Variants in WIPF3 observed in about 807,000 individuals in gnomAD.
WIPF3 encodes the protein WAS/WASL interacting protein family member 3, also known as WAS/WASL-interacting protein family member 3.
In WIPF3, 33 loss-of-function variants were observed where a neutral mutation model predicts 38.9. The ratio of observed to expected loss-of-function variants is 0.85; its 90% confidence interval spans 0.64 to 1.14. The LOEUF (loss-of-function observed/expected upper bound fraction) is 1.14. Among genes scored for constraint, WIPF3 ranks in the 50% most tolerant of loss-of-function variants. The pLI is 0.00. For synonymous variants in WIPF3, 324 were observed against 269.3 expected (o/e 1.20, Z -1.99); for missense variants, 711 against 652.5 (o/e 1.09, Z -0.98).
At chr7:29,913,832 G>A in intron 8 of WIPF3, among the ~76,000 whole-genome samples, 1 of 152,184 alleles carries the variant, frequency 6.6e-6, no homozygotes, top group East Asian at 1.9e-4. Flanking sequence ...CTACCAACGT[G>A]TCACACACTG....
Position 29,884,382 on chromosome 7 carries a change from C to CG in WIPF3, c.888_889insG (p.Pro297AlafsTer21). 1.5e-6 allele frequency: 2 copies of CG among 1,334,378 alleles called. No individual in the cohort carries two copies. Among genetic ancestry groups the CG allele is most frequent in the Non-Finnish European group, 2.0e-6 (2 of 991,666 alleles). The allele number at this position is 1,334,378 out of a possible 1,614,324, so 82.7% of individuals were successfully genotyped here. On this transcript the variant is annotated frameshift_variant, in exon 5 of 9. Transcript: ENST00000242140. LOFTEE classifies it high-confidence loss of function. ...AGCCTCCCGCCCCGCCGCCCCCGCT[C>CG]CCCCCTTATGCTTCTTGCTCCCCGA...
At chr7:29,851,249 T>TC (rs1304262919) in intron 2 of WIPF3, among the ~76,000 whole-genome samples, 2 of 152,080 alleles carry the variant, frequency 1.3e-5, no homozygotes, top group African/African-American at 4.8e-5. Context: ...AACCCCCCTT[T>TC]CCCCAGGGCT....
Position 29,892,296 on chromosome 7 carries a change from C to G in WIPF3, c.1351+2889C>G, listed in dbSNP as rs552417139. ...AAGGAGAGCAGAGCCAAGGGACCCC[C>G]TTCATCAACAGGCAGCTGGATCTCA... On this transcript the variant is annotated intron_variant, in intron 7 of 8. Transcript: ENST00000242140. 3.3e-5 allele frequency among the ~76,000 whole-genome samples: 5 copies of G among 152,276 alleles called. No individual in the cohort carries two copies. The South Asian group carries it at 1.0e-3, about 32-fold the overall frequency.
chr7:29,872,825 G>A (rs1340641870), intron 2 of WIPF3, among the ~76,000 whole-genome samples: 329 of 66,676 alleles, frequency 4.9e-3, no homozygotes, highest in Middle Eastern at 0.01. Flanking sequence ...AAAAAAAAAA[G>A]ATCCGGTGAG....
chr7:29,882,509 G>C (rs567462686), intron 4 of WIPF3, among the ~76,000 whole-genome samples: 1 of 152,158 alleles, frequency 6.6e-6, no homozygotes, highest in African/African-American at 2.4e-5. Context: ...ATAGCCAGAG[G>C]GGCTCATATT....
intron 1 of WIPF3, 77 bp from the exon 2 acceptor site, chr7:29,834,591 C>G: frequency 8.2e-7 from 1 of 1,226,614 alleles, no homozygotes; most frequent in Non-Finnish European, 1.1e-6. Flanking sequence ...CTATAATATG[C>G]ATGTCTGCAA....
intron 1 of WIPF3, among the ~76,000 whole-genome samples, chr7:29,824,783 A>G (rs1455921937): frequency 1.3e-5 from 2 of 151,988 alleles, no homozygotes; most frequent in African/African-American, 4.8e-5. Context: ...CTGCCTCAGG[A>G]AGGAATCTGC....
intron 7 of WIPF3, among the ~76,000 whole-genome samples, chr7:29,897,615 T>C (rs571122119): frequency 6.6e-6 from 1 of 152,366 alleles, no homozygotes; most frequent in East Asian, 1.9e-4. Context: ...CGCACCGTTA[T>C]TTCCATTAGC....
At chr7:29,831,752 T>G (rs576432397) in intron 1 of WIPF3, among the ~76,000 whole-genome samples, 1 of 152,304 alleles carries the variant, frequency 6.6e-6, no homozygotes, top group South Asian at 2.1e-4. Context: ...TGCCAACACA[T>G]AGGACCTTTG....
chr7:29,845,407 T>C (rs1001776340), intron 2 of WIPF3, among the ~76,000 whole-genome samples: 5 of 152,224 alleles, frequency 3.3e-5, no homozygotes, highest in African/African-American at 1.2e-4. Flanking sequence ...ACAAAATTAC[T>C]AAGTCTCTGC....
chr7:29,902,564 A>G (rs192305538), intron 7 of WIPF3, among the ~76,000 whole-genome samples: 1 of 152,128 alleles, frequency 6.6e-6, no homozygotes, highest in Non-Finnish European at 1.5e-5. Flanking sequence ...TTGGCCAGGC[A>G]TGGTGGCTCA....
At chr7:29,864,578 T>G (rs568063067) in intron 2 of WIPF3, among the ~76,000 whole-genome samples, 1 of 152,314 alleles carries the variant, frequency 6.6e-6, no homozygotes, top group Admixed American at 6.5e-5. Context: ...TGGAAACAAA[T>G]AGGATTGTAT....
intron 1 of WIPF3, among the ~76,000 whole-genome samples, chr7:29,810,279 C>T (rs1303160791): frequency 6.6e-6 from 1 of 152,172 alleles, no homozygotes; most frequent in Non-Finnish European, 1.5e-5. Context: ...TTTTATCAAC[C>T]CACTCATAAC....
chr7:29,874,129 C>T (rs902296044), intron 2 of WIPF3, among the ~76,000 whole-genome samples: 5 of 151,928 alleles, frequency 3.3e-5, no homozygotes, highest in Admixed American at 1.3e-4. Flanking sequence ...TGCACAGTGG[C>T]TTAACTCGCT....
In WIPF3 at chr7:29,915,943, T is replaced by C. The variant is rs1274514269; in HGVS notation, c.*1427T>C. 1 of 152,236 alleles carries C rather than the reference T, an allele frequency of 6.6e-6. No homozygotes were observed. The highest frequency in any genetic ancestry group is 1.9e-4 in the East Asian group (1 of 5,190). 9.4% of individuals were successfully genotyped at this position (152,236 alleles called of 1,614,324 possible). ...ACACATTCACCCCTGAAGTATATCATGAACAGACCAAGCCATCCAGAAAGG... is the reference window on the plus strand; with the variant it reads ...ACACATTCACCCCTGAAGTATATCACGAACAGACCAAGCCATCCAGAAAGG... On this transcript the variant is annotated 3_prime_UTR_variant, in exon 9 of 9. Transcript: ENST00000242140.
chr7:29,807,713 T>C (rs1351973078), intron 1 of WIPF3, among the ~76,000 whole-genome samples: 1 of 152,204 alleles, frequency 6.6e-6, no homozygotes, highest in South Asian at 2.1e-4. Context: ...CAGGGCGCTT[T>C]GTAACTGGCT....
chr7:29,868,977 C>A, intron 2 of WIPF3, among the ~76,000 whole-genome samples: 1 of 152,024 alleles, frequency 6.6e-6, no homozygotes, highest in East Asian at 1.9e-4. Context: ...TGTACATACA[C>A]CCCCCAAGCA....
intron 2 of WIPF3, among the ~76,000 whole-genome samples, chr7:29,857,194 C>T (rs1785199600): frequency 6.6e-6 from 1 of 152,116 alleles, no homozygotes; most frequent in African/African-American, 2.4e-5. Context: ...CCTCACCTTA[C>T]ACCCTAACCA....
intron 2 of WIPF3, among the ~76,000 whole-genome samples, chr7:29,875,531 G>A (rs536210291): frequency 3.3e-5 from 5 of 152,100 alleles, no homozygotes; most frequent in Admixed American, 1.3e-4. Context: ...CCCTGGGGTG[G>A]GGAGTGTAAG....
Sources: gnomAD v4.1 joint callset for allele counts (sites outside exome capture counted in the v4.1 genomes callset) on GRCh38, gnomAD v4.1.1 for gene constraint, MANE v1.5 for transcripts, NCBI Gene and HGNC (gene_info 2026-07-23, HGNC 2026-07-21) for gene names.